The following SPECC1 variants were observed in gnomAD, a reference collection of about 807,000 sequenced individuals.
The protein encoded by SPECC1 is sperm antigen with calponin homology and coiled-coil domains 1.
Under a neutral mutation model 104.1 loss-of-function variants are expected in SPECC1, and 62 were observed. The observed-to-expected ratio is 0.60, with a 90% CI of 0.49 to 0.74. The LOEUF is 0.74. Ranked by LOEUF, SPECC1 falls within the 30% of genes least tolerant of loss-of-function variation. The probability of loss-of-function intolerance (pLI) is 0.00; values close to 1 mark genes in which losing one functional copy is unlikely to be tolerated. For missense variants in SPECC1, 1,306 were observed against 1,310.5 expected (o/e 1.00, Z 0.05); for synonymous variants, 513 against 501.6 (o/e 1.02, Z -0.30).
At chr17:20,303,450 C>G (rs1168852990) in intron 13 of SPECC1, among the ~76,000 whole-genome samples, 2 of 152,178 alleles carry the variant, frequency 1.3e-5, no homozygotes, top group Non-Finnish European at 2.9e-5. Flanking sequence ...GGGCCACAGA[C>G]TGGAAGAAAA....
intron 12 of SPECC1, among the ~76,000 whole-genome samples, chr17:20,296,642 C>T (rs2041360450): frequency 1.3e-5 from 2 of 152,132 alleles, no homozygotes; most frequent in Non-Finnish European, 2.9e-5. Flanking sequence ...ATTGATTCTT[C>T]CTATCCATGA....
intron 2 of SPECC1, among the ~76,000 whole-genome samples, chr17:20,098,657 C>A (rs980362445): frequency 6.6e-6 from 1 of 152,212 alleles, no homozygotes; most frequent in African/African-American, 2.4e-5. Flanking sequence ...TTGCCAGGTG[C>A]ACTCCTGCGG....
intron 3 of SPECC1, among the ~76,000 whole-genome samples, chr17:20,158,414 G>C (rs923644341): frequency 6.6e-6 from 1 of 152,216 alleles, no homozygotes; most frequent in South Asian, 2.1e-4. Context: ...AGACCAGCCT[G>C]GGCAAGGAAA....
chr17:20,038,994 A>G lies in SPECC1; in HGVS notation c.-22+29570A>G, dbSNP rs1010665970. ...TCACCCACTTAAAACGTACAATTCA[A>G]TGGCCTTTTTTATATTTGTAGAGTT... On this transcript the variant is annotated intron_variant, in intron 1 of 14. Coordinates refer to ENST00000395527, the MANE Select transcript of SPECC1 (RefSeq NM_001243439.2). Among the ~76,000 whole-genome samples, 77 of 152,214 alleles carry G rather than the reference A, an allele frequency of 5.1e-4. 3 individuals carry two copies. Among genetic ancestry groups the G allele is most frequent in the African/African-American group, 1.4e-4 (6 of 41,458 alleles).
intron 12 of SPECC1, among the ~76,000 whole-genome samples, chr17:20,271,727 T>C (rs2040415176): frequency 6.6e-6 from 1 of 152,140 alleles, no homozygotes; most frequent in African/African-American, 2.4e-5. Context: ...TTTTTTGATC[T>C]TCTGTATCCT....
chr17:20,189,096 C>G (rs187121473), intron 3 of SPECC1, among the ~76,000 whole-genome samples: 65 of 152,224 alleles, frequency 4.3e-4, no homozygotes, highest in South Asian at 1.2e-3. Context: ...ATCGAGCCTC[C>G]GTAACCTGGA....
intron 1 of SPECC1, among the ~76,000 whole-genome samples, chr17:20,083,010 A>T (rs550769064): frequency 6.6e-6 from 1 of 150,538 alleles, no homozygotes; most frequent in South Asian, 2.1e-4. Context: ...TCGTTCATTC[A>T]TCCATCTAAA....
intron 1 of SPECC1, among the ~76,000 whole-genome samples, chr17:20,046,969 G>C (rs912794916): frequency 6.6e-6 from 1 of 152,144 alleles, no homozygotes; most frequent in African/African-American, 2.4e-5. Context: ...GACTCCAGGG[G>C]ACAAGACTGG....
intron 3 of SPECC1, among the ~76,000 whole-genome samples, chr17:20,142,851 T>A (rs1245022061): frequency 6.7e-6 from 1 of 148,426 alleles, no homozygotes; most frequent in African/African-American, 2.5e-5. Flanking sequence ...CCAACAAAAA[T>A]TAGCCAGGCA....
At chr17:20,252,352 G>A (rs950237122) in intron 9 of SPECC1, among the ~76,000 whole-genome samples, 1 of 152,076 alleles carries the variant, frequency 6.6e-6, no homozygotes, top group Non-Finnish European at 1.5e-5. Context: ...GAGGTTTGGG[G>A]TATGATTGAT....
chr17:20,192,672 C>T (rs932241632), intron 3 of SPECC1, among the ~76,000 whole-genome samples: 1 of 152,212 alleles, frequency 6.6e-6, no homozygotes. Context: ...TTTCTTTCAT[C>T]TGTACTTTAC....
chr17:20,215,079 A>T (rs1456151216), intron 4 of SPECC1, among the ~76,000 whole-genome samples: 1 of 152,386 alleles, frequency 6.6e-6, no homozygotes, highest in East Asian at 1.9e-4. Flanking sequence ...GCAGCCACAG[A>T]GGAGATCCGG....
chr17:20,255,445 C>T (rs1056225664), intron 10 of SPECC1, among the ~76,000 whole-genome samples: 4 of 152,298 alleles, frequency 2.6e-5, no homozygotes, highest in African/African-American at 9.6e-5. Flanking sequence ...TGGTAAAAGA[C>T]ACATAATATA....
At chr17:20,298,921 A>AAAGAGAGAGAG (rs1555535541) in intron 13 of SPECC1, among the ~76,000 whole-genome samples, 18 of 72,786 alleles carry the variant, frequency 2.5e-4, no homozygotes, top group Admixed American at 4.3e-4. Context: ...GCAGAACCAA[A>AAAGAGAGAGAG]AGAGAGAGAG....
chr17:20,051,312 G>A (rs1035473704), intron 1 of SPECC1, among the ~76,000 whole-genome samples: 4 of 151,666 alleles, frequency 2.6e-5, no homozygotes, highest in Admixed American at 1.3e-4. Flanking sequence ...AGTAGCTGGG[G>A]TTACAGGGAC....
chr17:20,082,795 G>A (rs1411015953), intron 1 of SPECC1, among the ~76,000 whole-genome samples: 2 of 152,080 alleles, frequency 1.3e-5, no homozygotes, highest in Non-Finnish European at 2.9e-5. Flanking sequence ...AGACATTAGG[G>A]GTTAGGGCTT....
chr17:20,256,542 C>T (rs966627772), intron 10 of SPECC1, among the ~76,000 whole-genome samples: 2 of 152,138 alleles, frequency 1.3e-5, no homozygotes, highest in Non-Finnish European at 2.9e-5. Flanking sequence ...GGAAGGATTA[C>T]TTTCTTCTGT....
intron 3 of SPECC1, among the ~76,000 whole-genome samples, chr17:20,167,446 G>A (rs2033749196): frequency 1.3e-5 from 2 of 152,062 alleles, no homozygotes; most frequent in Non-Finnish European, 1.5e-5. Context: ...TTGGGAGGCC[G>A]AGATGGGCGG....
intron 1 of SPECC1, among the ~76,000 whole-genome samples, chr17:20,012,068 G>T (rs924178218): frequency 1.3e-5 from 2 of 151,992 alleles, no homozygotes; most frequent in Non-Finnish European, 2.9e-5. Flanking sequence ...GTCTTCTATT[G>T]ATTTCAGAGT....
Sources: gnomAD v4.1 joint callset for allele counts (sites outside exome capture counted in the v4.1 genomes callset) on GRCh38, gnomAD v4.1.1 for gene constraint, MANE v1.5 for transcripts, NCBI Gene and HGNC (gene_info 2026-07-23, HGNC 2026-07-21) for gene names.